The following CA5A variants were observed in gnomAD, a reference collection of about 807,000 sequenced individuals.
The protein encoded by CA5A is carbonic anhydrase 5A, mitochondrial.
CA5A carries 28 observed loss-of-function variants against 37.1 expected under a neutral mutation model. The observed-to-expected ratio is 0.75, with a 90% CI of 0.56 to 1.03. The LOEUF (loss-of-function observed/expected upper bound fraction) is 1.03, where lower values mean the gene tolerates loss of function less well. Among genes scored for constraint, CA5A ranks in the 50% least tolerant of loss-of-function variants. CA5A has a pLI of 0.00. For missense variants in CA5A, 444 were observed against 399.9 expected, an observed-to-expected ratio of 1.11 and a Z score of -0.94; for synonymous variants, 171 against 158.4, an observed-to-expected ratio of 1.08 and a Z score of -0.60.
At chr16:87,920,482 G>A (rs757396849) in intron 2 of CA5A, among the ~76,000 whole-genome samples, 10 of 151,796 alleles carry the variant, frequency 6.6e-5, no homozygotes, top group Non-Finnish European at 1.5e-4. Flanking sequence ...GCTAATTTTT[G>A]TATTTTTAGT....
chr16:87,888,649 T>C (rs924973152), intron 6 of CA5A, among the ~76,000 whole-genome samples: 9 of 152,192 alleles, frequency 5.9e-5, no homozygotes, highest in Admixed American at 2.6e-4. Context: ...TTCAGATTGC[T>C]ACAGTCCCAG....
In CA5A at chr16:87,900,516, T is replaced by C. The variant is rs140840109; in HGVS notation, c.618+1396A>G. ...GGTTGAAGCCTCATCCGTCCGCACA[T>C]GTGAGGCTTGCGTTGACTCCTTCTG... On this transcript the variant is annotated intron_variant, in intron 5 of 6. Coordinates refer to ENST00000649794, the MANE Select transcript of CA5A (RefSeq NM_001739.2). Among the ~76,000 whole-genome samples the C allele has an allele frequency of 2.0e-5, 3 of 152,374 alleles. No individual in the cohort carries two copies. In the East Asian group the frequency reaches 5.8e-4, roughly 29 times the overall value.
At chr16:87,903,862 G>T (rs1344170279) in intron 3 of CA5A, among the ~76,000 whole-genome samples, 1 of 152,120 alleles carries the variant, frequency 6.6e-6, no homozygotes, top group African/African-American at 2.4e-5. Flanking sequence ...CAAACTCGTA[G>T]ATTCTTCTCG....
intron 2 of CA5A, among the ~76,000 whole-genome samples, chr16:87,919,971 C>T (rs1407589993): frequency 2.0e-5 from 3 of 152,186 alleles, no homozygotes; most frequent in African/African-American, 4.8e-5. Context: ...TCCCTCCACC[C>T]AGCCCCGGAA....
chr16:87,929,570 T>C (rs1388169137), intron 1 of CA5A, among the ~76,000 whole-genome samples: 2 of 151,924 alleles, frequency 1.3e-5, no homozygotes, highest in African/African-American at 2.4e-5. Context: ...TTTTAGCTGT[T>C]ATTTAATAAG....
rs763335448 is a variant in CA5A, at chr16:87,926,740, G to T, written c.340+8C>A. On this transcript the variant is annotated splice_region_variant and intron_variant, in intron 2 of 6. Transcript: ENST00000649794. Reference sequence around the variant, plus strand: ...GGACAAAGCCCTCGAGCCCCAGCTGGCACTCACCTGATGCCTCGGTGGCAT... The same window carrying T: ...GGACAAAGCCCTCGAGCCCCAGCTGTCACTCACCTGATGCCTCGGTGGCAT... 3 of 1,608,906 alleles carry T rather than the reference G, an allele frequency of 1.9e-6. No individual in the cohort carries two copies. In the South Asian group the frequency reaches 3.3e-5, roughly 18 times the overall value.
chr16:87,915,127 C>T (rs1320991233), intron 2 of CA5A, among the ~76,000 whole-genome samples: 2 of 152,218 alleles, frequency 1.3e-5, no homozygotes, highest in Non-Finnish European at 2.9e-5. Flanking sequence ...ACTCGCGTTG[C>T]AGCGCACGTC....
chr16:87,895,537 C>T (rs1309502320), intron 5 of CA5A, among the ~76,000 whole-genome samples: 6 of 152,118 alleles, frequency 3.9e-5, no homozygotes, highest in Admixed American at 2.6e-4. Flanking sequence ...AAGAGTGAAA[C>T]TCCATCTCAA....
intron 1 of CA5A, among the ~76,000 whole-genome samples, chr16:87,932,116 G>GA (rs947504370): frequency 1.5e-4 from 22 of 148,016 alleles, no homozygotes; most frequent in Admixed American, 6.1e-4. Context: ...CTCCGTCTAA[G>GA]AAAAAAAAAA....
intron 2 of CA5A, among the ~76,000 whole-genome samples, chr16:87,913,176 A>G (rs2056077252): frequency 6.6e-6 from 1 of 151,988 alleles, no homozygotes; most frequent in Non-Finnish European, 1.5e-5. Flanking sequence ...ACAGGGTTCC[A>G]CCATGTTGGC....
intron 5 of CA5A, chr16:87,893,540 G>A: frequency 1.7e-6 from 1 of 580,408 alleles, no homozygotes; most frequent in Non-Finnish European, 3.3e-6. Flanking sequence ...AGCCGTCCAG[G>A]GACTGGCAGG....
Position 87,911,794 on chromosome 16 carries a change from C to T in CA5A, c.341-6890G>A, listed in dbSNP as rs150515557. Among the ~76,000 whole-genome samples, 460 of 152,304 alleles carry T rather than the reference C, an allele frequency of 3.0e-3. 2 individuals carry two copies. The highest frequency in any genetic ancestry group is 0.011 in the African/African-American group (440 of 41,560). On this transcript the variant is annotated intron_variant, in intron 2 of 6. Coordinates refer to ENST00000649794, the MANE Select transcript of CA5A (RefSeq NM_001739.2). The surrounding 1 kb of genome is among the most constrained non-coding windows in gnomAD (Gnocchi z 4.6). ...CAAATGTGGGCTCCAATCCTGGCTT[C>T]ACACGGTGGGGCTTTGCAAGTTGTT...
intron 1 of CA5A, among the ~76,000 whole-genome samples, chr16:87,932,088 T>G (rs1706785082): frequency 6.6e-6 from 1 of 151,938 alleles, no homozygotes; most frequent in Non-Finnish European, 1.5e-5. Context: ...CACGCCAGCC[T>G]GAGCAACAAG....
At position 87,903,576 on chromosome 16, in the gene CA5A, T is replaced by C. The variant is rs6540101; in HGVS notation, c.460-1056A>G. Reference sequence around the variant, plus strand: ...TGTTGTGCTCATTCTTGGAACAATTTATAAATATGTGTATGATGATGACAA... The same window carrying C: ...TGTTGTGCTCATTCTTGGAACAATTCATAAATATGTGTATGATGATGACAA... On this transcript the variant is annotated intron_variant, in intron 3 of 6. Transcript: ENST00000649794. 4.9e-3 allele frequency among the ~76,000 whole-genome samples: 746 copies of C among 152,372 alleles called. 11 individuals are homozygous for C. Among genetic ancestry groups the C allele is most frequent in the African/African-American group, 0.017 (719 of 41,582 alleles).
intron 2 of CA5A, among the ~76,000 whole-genome samples, chr16:87,917,818 C>A (rs2056175718): frequency 7.0e-6 from 1 of 141,930 alleles, no homozygotes; most frequent in Non-Finnish European, 1.5e-5. Context: ...CACACATGCA[C>A]ACGAACACAC....
chr16:87,884,756 T>C (rs1335551593), downstream of CA5A: 1 of 151,606 alleles, frequency 6.6e-6, no homozygotes, highest in African/African-American at 2.4e-5. Flanking sequence ...AGAAAAACAC[T>C]GTACTGATTT....
chr16:87,907,954 C>T (rs1290615487), intron 2 of CA5A, among the ~76,000 whole-genome samples: 4 of 152,078 alleles, frequency 2.6e-5, no homozygotes, highest in African/African-American at 4.8e-5. Flanking sequence ...CAAACAAAAG[C>T]GGTTGTTTCC....
At chr16:87,928,756 C>CTTTTTTT (rs2056351904) in intron 1 of CA5A, among the ~76,000 whole-genome samples, 1 of 108,136 alleles carries the variant, frequency 9.2e-6, no homozygotes, top group African/African-American at 3.5e-5. Context: ...ATTTTCTTTT[C>CTTTTTTT]TTTGTTTTTT....
At chr16:87,910,732 C>T (rs1371664744) in intron 2 of CA5A, among the ~76,000 whole-genome samples, 1 of 151,808 alleles carries the variant, frequency 6.6e-6, no homozygotes, top group Non-Finnish European at 1.5e-5. Flanking sequence ...CATGTGTTAC[C>T]ACACCCCACT....
Sources: allele counts gnomAD v4.1 joint callset (sites outside exome capture counted in the v4.1 genomes callset), GRCh38; gene constraint gnomAD v4.1.1; non-coding constraint Gnocchi (gnomAD v3.1); transcripts MANE v1.5; gene names NCBI Gene and HGNC (gene_info 2026-07-23, HGNC 2026-07-21).